Variants in ATRNL1 observed in about 807,000 individuals in gnomAD.
ATRNL1 encodes attractin-like protein 1.
A neutral mutation model predicts 182.7 loss-of-function variants in ATRNL1; 95 were observed. The observed-to-expected ratio is 0.52, with a 90% confidence interval of 0.44 to 0.62. The LOEUF is 0.62. ATRNL1 is among the 20% of genes least tolerant of loss of function. The pLI, the probability that ATRNL1 is intolerant of heterozygous loss-of-function variation, is 0.00. For missense variants in ATRNL1, 1,471 were observed against 1,679.5 expected (o/e 0.88, Z 2.17); for synonymous variants, 576 against 568.3 (o/e 1.01, Z -0.19).
At chr10:115,335,572 A>C (rs1193583964) in intron 19 of ATRNL1, among the ~76,000 whole-genome samples, 1 of 152,244 alleles carries the variant, frequency 6.6e-6, no homozygotes, top group African/African-American at 2.4e-5. Context: ...ATTTGAGTCA[A>C]CAAAATTGTG....
chr10:115,216,033 A>C (rs1849217049), intron 9 of ATRNL1, among the ~76,000 whole-genome samples, 153 bp downstream of exon 9: 1 of 152,202 alleles, frequency 6.6e-6, no homozygotes, highest in Admixed American at 6.5e-5. Context: ...TTTGTTTACC[A>C]GTATGACTTC....
intron 28 of ATRNL1, among the ~76,000 whole-genome samples, chr10:115,940,643 A>C (rs1216304054): frequency 6.6e-6 from 1 of 151,746 alleles, no homozygotes; most frequent in Non-Finnish European, 1.5e-5. Flanking sequence ...TACAATAACA[A>C]AGTGTGCTGA....
intron 26 of ATRNL1, among the ~76,000 whole-genome samples, chr10:115,662,986 A>G (rs999614203): frequency 7.2e-5 from 11 of 152,158 alleles, no homozygotes; most frequent in African/African-American, 2.7e-4. Context: ...AAACATGGAA[A>G]CTATCAAGTG....
intron 27 of ATRNL1, among the ~76,000 whole-genome samples, chr10:115,809,772 G>C (rs1276158513): frequency 2.6e-5 from 4 of 151,738 alleles, no homozygotes; most frequent in Non-Finnish European, 5.9e-5. Flanking sequence ...TTTTTCATCT[G>C]TATGCCTATT....
intron 8 of ATRNL1, among the ~76,000 whole-genome samples, chr10:115,191,958 A>T (rs1848186125): frequency 6.6e-6 from 1 of 151,868 alleles, no homozygotes; most frequent in Non-Finnish European, 1.5e-5. Flanking sequence ...TTTTTTCCCT[A>T]TTGAGTTGTT....
chr10:115,345,368 T>C (rs1271973568), intron 19 of ATRNL1, among the ~76,000 whole-genome samples: 3 of 152,190 alleles, frequency 2.0e-5, no homozygotes, highest in African/African-American at 7.2e-5. Context: ...CAGTTCTCCT[T>C]TCTACTATAG....
At chr10:115,547,073 G>A (rs1333559609) in intron 25 of ATRNL1, among the ~76,000 whole-genome samples, 1 of 151,796 alleles carries the variant, frequency 6.6e-6, no homozygotes, top group African/African-American at 2.4e-5. Context: ...GGCCAACATG[G>A]TGAAACCCCA....
At chr10:115,843,972 T>C (rs138319768) in intron 27 of ATRNL1, among the ~76,000 whole-genome samples, 67 of 152,224 alleles carry the variant, frequency 4.4e-4, no homozygotes, top group African/African-American at 1.6e-3. Context: ...AGACCTTCAG[T>C]TTCATCATCT....
intron 4 of ATRNL1, among the ~76,000 whole-genome samples, 171 bp from the exon 5 acceptor site, chr10:115,129,156 T>C (rs782465163): frequency 6.6e-6 from 1 of 152,140 alleles, no homozygotes; most frequent in Non-Finnish European, 1.5e-5. Flanking sequence ...ATACTAACAA[T>C]TTCATAAGAG....
At chr10:115,346,062 C>A (rs374027273) in intron 19 of ATRNL1, among the ~76,000 whole-genome samples, 1 of 152,202 alleles carries the variant, frequency 6.6e-6, no homozygotes, top group East Asian at 1.9e-4. Context: ...AGTACTTTAC[C>A]TGTTTAAAGA....
intron 28 of ATRNL1, among the ~76,000 whole-genome samples, chr10:115,882,259 G>T (rs1951842265): frequency 6.6e-6 from 1 of 152,182 alleles, no homozygotes; most frequent in Non-Finnish European, 1.5e-5. Context: ...TAGAATGCCT[G>T]CAGGGTGCCC....
At chr10:115,447,859 C>T (rs1847082964) in intron 21 of ATRNL1, among the ~76,000 whole-genome samples, 1 of 151,964 alleles carries the variant, frequency 6.6e-6, no homozygotes, top group African/African-American at 2.4e-5. Context: ...TATGCTCCAT[C>T]ATGGTATACA....
chr10:115,715,612 G>C (rs560131983), intron 26 of ATRNL1, among the ~76,000 whole-genome samples: 1 of 152,268 alleles, frequency 6.6e-6, no homozygotes, highest in South Asian at 2.1e-4. Flanking sequence ...CATGCAGAGA[G>C]ACAACTAACA....
intron 27 of ATRNL1, among the ~76,000 whole-genome samples, chr10:115,808,717 A>C (rs1370805790): frequency 4.6e-5 from 7 of 152,102 alleles, no homozygotes; most frequent in Non-Finnish European, 8.8e-5. Context: ...AATGTTAGTC[A>C]TTCTATTGGG....
chr10:115,149,839 C>T lies in ATRNL1; in HGVS notation c.830-10201C>T, dbSNP rs377287181. 8.1e-5 allele frequency among the ~76,000 whole-genome samples: 12 copies of T among 148,528 alleles called. No individual in the cohort carries two copies. In the East Asian group the frequency reaches 2.4e-3, roughly 29 times the overall value. ...GGGTTTGGTGTTAGGTTAATCCTGG[C>T]CTTGTAAAATGAATTAGGGACAATT... On this transcript the variant is annotated intron_variant, in intron 5 of 28. Coordinates refer to ENST00000355044, the MANE Select transcript of ATRNL1 (RefSeq NM_207303.4).
chr10:115,633,067 ATTTTG>A (rs1348813683), intron 26 of ATRNL1, among the ~76,000 whole-genome samples: 2 of 151,214 alleles, frequency 1.3e-5, no homozygotes, highest in African/African-American at 2.4e-5. Flanking sequence ...TAATTTTTGT[ATTTTG>A]TTTTGTTTTG....
chr10:115,177,348 A>G (rs1416340772), intron 8 of ATRNL1, among the ~76,000 whole-genome samples: 1 of 152,176 alleles, frequency 6.6e-6, no homozygotes, highest in Non-Finnish European at 1.5e-5. Context: ...TTTCAAGGAA[A>G]TGTGTTTGAA....
chr10:115,440,474 C>T (rs1304523603), intron 21 of ATRNL1, among the ~76,000 whole-genome samples: 8 of 151,832 alleles, frequency 5.3e-5, no homozygotes, highest in African/African-American at 1.9e-4. Flanking sequence ...ATATCTTACA[C>T]CTTTAGTCCT....
rs370749690 is a variant in ATRNL1 at position 115,276,435 on chromosome 10, C to T, written c.2101-4920C>T. ...CAAGTATTTATAAAGTGGCATTTTG[C>T]TTTATATTTTATTCAATGATGATGT... On this transcript the variant is annotated intron_variant, in intron 13 of 28. Coordinates refer to ENST00000355044, the MANE Select transcript of ATRNL1 (RefSeq NM_207303.4). Among the ~76,000 whole-genome samples the T allele has an allele frequency of 4.6e-5, 7 of 152,124 alleles. No individual in the cohort carries two copies. The East Asian group carries it at 9.7e-4, about 21-fold the overall frequency.
Sources: allele counts gnomAD v4.1 joint callset (sites outside exome capture counted in the v4.1 genomes callset), GRCh38; gene constraint gnomAD v4.1.1; transcripts MANE v1.5; gene names NCBI Gene and HGNC (gene_info 2026-07-23, HGNC 2026-07-21).